OR14I1: variants seen among roughly 807,000 people sequenced by gnomAD.
OR14I1 encodes olfactory receptor 14I1.
For synonymous variants in OR14I1, 118 were observed against 71.1 expected (o/e 1.66, Z -3.32); for missense variants, 279 against 181.8 (o/e 1.53, Z -3.07).
upstream of OR14I1, among the ~76,000 whole-genome samples, chr1:248,683,645 G>GA (rs369292027): frequency 6.6e-6 from 1 of 152,206 alleles, no homozygotes; most frequent in Non-Finnish European, 1.5e-5. Context: ...TATGTTTAAT[G>GA]AAAAAATTTG....
chr1:248,681,535 G>T (rs1661562417), exon 1 of OR14I1: 2 of 781,034 alleles, frequency 2.6e-6, no homozygotes, highest in East Asian at 4.8e-5. Context: ...TGGTCCTAAG[G>T]CAGCAAAGAG....
At chr1:248,678,676 A>G (rs1661514854), downstream of OR14I1, among the ~76,000 whole-genome samples, 1 of 152,242 alleles carries the variant, frequency 6.6e-6, no homozygotes, top group Non-Finnish European at 1.5e-5. Flanking sequence ...TTCTAAATCC[A>G]GCTAAAGTAT....
chr1:248,688,782 T>C, the OR14I1 span, among the ~76,000 whole-genome samples: 1 of 152,216 alleles, frequency 6.6e-6, no homozygotes, highest in South Asian at 2.1e-4. Flanking sequence ...GACTGCAGGG[T>C]TCCCATGGGA....
At chr1:248,697,017 T>G in the OR14I1 span, 1 of 152,322 alleles carries the variant, frequency 6.6e-6, no homozygotes, top group Admixed American at 6.5e-5. Flanking sequence ...CAGTCTTCTA[T>G]CTTTTTTTAA....
chr1:248,692,566 A>T, the OR14I1 span: 1 of 152,498 alleles, frequency 6.6e-6, no homozygotes, highest in South Asian at 2.1e-4. Flanking sequence ...TCCCCTTTGC[A>T]TTCTGCAGAC....
At chr1:248,691,433 G>A in the OR14I1 span, among the ~76,000 whole-genome samples, 6 of 152,204 alleles carry the variant, frequency 3.9e-5, no homozygotes, top group Non-Finnish European at 5.9e-5. Flanking sequence ...GAATGTTCCC[G>A]TCAGAGAATT....
chr1:248,696,637 G>C, the OR14I1 span, among the ~76,000 whole-genome samples: 1 of 152,142 alleles, frequency 6.6e-6, no homozygotes. Flanking sequence ...TAAGTGTTTG[G>C]AAGTAGACCT....
the OR14I1 span, among the ~76,000 whole-genome samples, chr1:248,695,228 C>CTTTTTGTTTTTTT: frequency 2.1e-5 from 2 of 96,732 alleles, no homozygotes; most frequent in South Asian, 3.5e-4. Flanking sequence ...TGAATGTATG[C>CTTTTTGTTTTTTT]TTTTTTTTTT....
At chr1:248,687,590 T>C in the OR14I1 span, among the ~76,000 whole-genome samples, 1 of 152,132 alleles carries the variant, frequency 6.6e-6, no homozygotes, top group Non-Finnish European at 1.5e-5. Context: ...GGAAAGTGAG[T>C]CTTAATATAA....
chr1:248,678,195 G>A (rs1661506253), downstream of OR14I1, among the ~76,000 whole-genome samples: 1 of 152,114 alleles, frequency 6.6e-6, no homozygotes. Context: ...ATGACAAAAA[G>A]GACAATAAGG....
chr1:248,693,059 T>C, the OR14I1 span, among the ~76,000 whole-genome samples: 1 of 152,312 alleles, frequency 6.6e-6, no homozygotes, highest in African/African-American at 2.4e-5. Context: ...TAACTCTCCC[T>C]GGTTGTTCAC....
the OR14I1 span, among the ~76,000 whole-genome samples, chr1:248,698,322 A>G: frequency 2.6e-4 from 39 of 152,366 alleles, no homozygotes; most frequent in African/African-American, 8.7e-4. Context: ...GTGAAAGAAT[A>G]TGTCTGAAGG....
chr1:248,682,171 G>A (rs758276680), exon 1 of OR14I1: 25 of 780,908 alleles, frequency 3.2e-5, no homozygotes, highest in South Asian at 1.2e-4. Context: ...AGTGATGACT[G>A]CAATGATGAG....
upstream of OR14I1, among the ~76,000 whole-genome samples, chr1:248,684,541 A>G (rs1661611655): frequency 6.6e-6 from 1 of 152,190 alleles, no homozygotes; most frequent in Non-Finnish European, 1.5e-5. Context: ...TAAACCCCTA[A>G]TTACCATCAC....
At chr1:248,691,603 T>C in the OR14I1 span, among the ~76,000 whole-genome samples, 5 of 152,244 alleles carry the variant, frequency 3.3e-5, no homozygotes, top group African/African-American at 7.2e-5. Context: ...ACTGTGGAAC[T>C]AGCCCACCAG....
upstream of OR14I1, among the ~76,000 whole-genome samples, chr1:248,685,808 A>ATAGTGTG (rs1351172151): frequency 6.6e-6 from 1 of 151,022 alleles, no homozygotes; most frequent in African/African-American, 2.4e-5. Context: ...TTGTGTACAT[A>ATAGTGTG]TAGTGTGTAT....
the OR14I1 span, among the ~76,000 whole-genome samples, chr1:248,701,158 C>CTT: frequency 6.7e-6 from 1 of 148,606 alleles, no homozygotes; most frequent in African/African-American, 2.5e-5. Flanking sequence ...ACACTTTTAA[C>CTT]TTTTTTTTTT....
At chr1:248,693,446 G>C in the OR14I1 span, among the ~76,000 whole-genome samples, 1 of 152,144 alleles carries the variant, frequency 6.6e-6, no homozygotes, top group Non-Finnish European at 1.5e-5. Context: ...CAGCATCACA[G>C]TAAAAATAGT....
chr1:248,701,967 C>T, the OR14I1 span, among the ~76,000 whole-genome samples: 29 of 152,164 alleles, frequency 1.9e-4, no homozygotes, highest in African/African-American at 5.5e-4. Flanking sequence ...CTTACAATCA[C>T]GGTGGAAGGT....
Sources: gnomAD v4.1 joint callset for allele counts (sites outside exome capture counted in the v4.1 genomes callset) on GRCh38, gnomAD v4.1.1 for gene constraint, MANE v1.5 for transcripts, NCBI Gene and HGNC (gene_info 2026-07-23, HGNC 2026-07-21) for gene names.